NTF3: variants seen among roughly 807,000 people sequenced by gnomAD.
The protein encoded by NTF3 is neurotrophin-3.
A neutral mutation model predicts 26.3 loss-of-function variants in NTF3; 8 were observed. That is an observed-to-expected ratio of 0.30 (90% CI 0.18 to 0.55). The LOEUF (loss-of-function observed/expected upper bound fraction) is 0.55. Among genes scored for constraint, NTF3 ranks in the 20% least tolerant of loss-of-function variants. The probability of loss-of-function intolerance (pLI) is 0.93; values close to 1 mark genes in which losing one functional copy is unlikely to be tolerated. For synonymous variants in NTF3, 154 were observed against 145.5 expected, an observed-to-expected ratio of 1.06 and a Z score of -0.42; for missense variants, 276 against 352.9, an observed-to-expected ratio of 0.78 and a Z score of 1.75.
chr12:5,463,674 A>C (rs1940551498), intron 1 of NTF3, among the ~76,000 whole-genome samples: 1 of 152,180 alleles, frequency 6.6e-6, no homozygotes, highest in South Asian at 2.1e-4. Context: ...CTTCTTTATG[A>C]TGAAATTAGG....
At chr12:5,479,742 T>C (rs1251029649) in intron 1 of NTF3, among the ~76,000 whole-genome samples, 1 of 152,204 alleles carries the variant, frequency 6.6e-6, no homozygotes, top group Non-Finnish European at 1.5e-5. Context: ...TAAATTCCAG[T>C]CCTTGGCACA....
rs139877826 is a variant in NTF3 at position 5,440,314 on chromosome 12, T to G, written c.18+7972T>G. The stretch of plus-strand genomic sequence containing the variant: ...CCTTTCATGTGTAGGGTGATAATTT[T>G]TTTCTTCATATGGAGTATATAGCCT... On this transcript the variant is annotated intron_variant, in intron 1 of 1. Transcript: ENST00000423158. Among the ~76,000 whole-genome samples the G allele has an allele frequency of 3.4e-3, 525 of 152,334 alleles. 3 individuals carry two copies. The highest frequency in any genetic ancestry group is 0.012 in the African/African-American group (493 of 41,568).
At chr12:5,487,095 T>C (rs1940875880) in intron 1 of NTF3, among the ~76,000 whole-genome samples, 8 of 152,224 alleles carry the variant, frequency 5.3e-5, no homozygotes. Context: ...TGGGAGTTTG[T>C]GATATGCAAA....
chr12:5,439,635 C>A (rs375942318), intron 1 of NTF3, among the ~76,000 whole-genome samples: 3 of 152,294 alleles, frequency 2.0e-5, no homozygotes, highest in African/African-American at 7.2e-5. Flanking sequence ...GGGAACCTGC[C>A]CTTACAGAAT....
chr12:5,460,558 T>C (rs1940512362), intron 1 of NTF3, among the ~76,000 whole-genome samples: 1 of 152,216 alleles, frequency 6.6e-6, no homozygotes, highest in Non-Finnish European at 1.5e-5. Flanking sequence ...ATCCAAGGAA[T>C]TTCTCCATCT....
At chr12:5,449,753 G>A (rs995938262) in intron 1 of NTF3, among the ~76,000 whole-genome samples, 5 of 152,216 alleles carry the variant, frequency 3.3e-5, no homozygotes, top group Non-Finnish European at 7.3e-5. Flanking sequence ...CTACTGGTTT[G>A]TGAAACCCCA....
At chr12:5,434,812 AT>A (rs1940146820) in intron 1 of NTF3, among the ~76,000 whole-genome samples, 1 of 150,742 alleles carries the variant, frequency 6.6e-6, no homozygotes, top group Non-Finnish European at 1.5e-5. Context: ...GCGCCTGAGG[AT>A]TACCAAAGGG....
At chr12:5,444,591 A>T (rs1045259971) in intron 1 of NTF3, among the ~76,000 whole-genome samples, 1 of 152,192 alleles carries the variant, frequency 6.6e-6, no homozygotes, top group African/African-American at 2.4e-5. Context: ...AAGCCCAGGG[A>T]GGGGATGAAC....
intron 1 of NTF3, among the ~76,000 whole-genome samples, chr12:5,474,264 A>G (rs1387473272): frequency 6.6e-6 from 1 of 152,248 alleles, no homozygotes; most frequent in East Asian, 1.9e-4. Context: ...AAGAGAGCAT[A>G]CAGTTAAGTG....
chr12:5,483,075 C>A (rs889292174), intron 1 of NTF3, among the ~76,000 whole-genome samples: 1 of 151,568 alleles, frequency 6.6e-6, no homozygotes, highest in Non-Finnish European at 1.5e-5. Flanking sequence ...TCTCTTTGTT[C>A]TCTATCCCTC....
At chr12:5,434,678 G>A (rs1940145282) in intron 1 of NTF3, among the ~76,000 whole-genome samples, 1 of 152,148 alleles carries the variant, frequency 6.6e-6, no homozygotes, top group African/African-American at 2.4e-5. Context: ...GTCAGAGCAG[G>A]AGGAGAGGTG....
At chr12:5,452,347 G>A (rs535810070) in intron 1 of NTF3, among the ~76,000 whole-genome samples, 48 of 152,000 alleles carry the variant, frequency 3.2e-4, no homozygotes, top group African/African-American at 1.0e-3. Context: ...CACCCGCCTC[G>A]GCTTCCCAAA....
At chr12:5,450,869 G>T (rs1940364152) in intron 1 of NTF3, among the ~76,000 whole-genome samples, 1 of 152,024 alleles carries the variant, frequency 6.6e-6, no homozygotes, top group South Asian at 2.1e-4. Flanking sequence ...TTGCTTCATT[G>T]CTGTATCTCC....
intron 1 of NTF3, among the ~76,000 whole-genome samples, chr12:5,469,298 A>C (rs1208543109): frequency 6.6e-6 from 1 of 152,122 alleles, no homozygotes; most frequent in Non-Finnish European, 1.5e-5. Context: ...GTCAGACCAT[A>C]ATGACATGGG....
chr12:5,449,471 G>A (rs1008151897), intron 1 of NTF3, among the ~76,000 whole-genome samples: 3 of 152,160 alleles, frequency 2.0e-5, no homozygotes, highest in Non-Finnish European at 4.4e-5. Context: ...AGGTTGTAGT[G>A]CTTGAGATCC....
At position 5,494,940 on chromosome 12, in the gene NTF3, A is replaced by G; in HGVS notation, c.765A>G (p.Ile255Met). The G allele has an allele frequency of 1.2e-6, 2 of 1,614,196 alleles. No homozygotes were observed. Among genetic ancestry groups the G allele is most frequent in the Non-Finnish European group, 1.7e-6 (2 of 1,180,038 alleles). Residue 255 changes from isoleucine (I) to methionine (M), a missense_variant, in exon 2 of 2, where the codon ATA (isoleucine) becomes ATG (methionine). By Grantham distance (10) the Ile-to-Met change is conservative (BLOSUM62 1). This residue lies in a region of NTF3 where 52 missense variants were observed against 78.4 expected (regional missense o/e 0.66). Transcript: ENST00000423158. The surrounding 1 kb of genome is among the most constrained non-coding windows in gnomAD (Gnocchi z 8.3). ...NKLVGWRWIR[I>M]DTSCVCALSR... ...TCGTGGGCTGGCGGTGGATACGGAT[A>G]GACACGTCCTGTGTGTGTGCCTTGT...
chr12:5,455,356 G>A (rs1198821587), intron 1 of NTF3, among the ~76,000 whole-genome samples: 5 of 152,132 alleles, frequency 3.3e-5, no homozygotes, highest in East Asian at 1.9e-4. Flanking sequence ...CTTCTTGAGC[G>A]TAACCCATGA....
rs540320780 is a variant in NTF3 at position 5,494,440 on chromosome 12, G to A, written c.265G>A (p.Gly89Arg). The A allele has an allele frequency of 4.3e-4, 689 of 1,613,118 alleles. 7 individuals are homozygous for A. In the South Asian group the frequency reaches 5.6e-3, roughly 13 times the overall value. The part of the protein sequence containing the change: ...AEAPREPERG[G>R]PAKSAFQPVI... ...GGCTCCCCGAGAGCCGGAGCGGGGA[G>A]GGCCCGCCAAGTCAGCATTCCAGCC... Residue 89 changes from glycine (G) to arginine (R), a missense_variant, in exon 2 of 2, where the codon GGG (glycine) becomes AGG (arginine). Coordinates refer to ENST00000423158, the MANE Select transcript of NTF3 (RefSeq NM_001102654.2). This position sits in a 1 kb window ranked among gnomAD's most constrained non-coding sequence, Gnocchi z 8.3.
chr12:5,479,849 G>T (rs1378866085), intron 1 of NTF3, among the ~76,000 whole-genome samples: 1 of 152,178 alleles, frequency 6.6e-6, no homozygotes, highest in Non-Finnish European at 1.5e-5. Flanking sequence ...TTTTGGGAAA[G>T]CCTTGTTGCT....
Sources: allele counts gnomAD v4.1 joint callset (sites outside exome capture counted in the v4.1 genomes callset), GRCh38; gene constraint gnomAD v4.1.1; regional missense constraint gnomAD v4.1.1; non-coding constraint Gnocchi (gnomAD v3.1); transcripts MANE v1.5; gene names NCBI Gene and HGNC (gene_info 2026-07-23, HGNC 2026-07-21).